NRXN1: variants seen among roughly 807,000 people sequenced by gnomAD.
NRXN1 encodes the protein neurexin 1.
A neutral mutation model predicts 150.9 loss-of-function variants in NRXN1; 39 were observed. The ratio of observed to expected loss-of-function variants is 0.26; its 90% confidence interval spans 0.20 to 0.34. NRXN1 has a LOEUF of 0.34. NRXN1 is among the 10% of genes least tolerant of loss of function. The probability of loss-of-function intolerance (pLI) is 1.00; values close to 1 mark genes in which losing one functional copy is unlikely to be tolerated. For synonymous variants in NRXN1, 924 were observed against 757.0 expected, an observed-to-expected ratio of 1.22 and a Z score of -3.62; for missense variants, 1,815 against 1,949.9, an observed-to-expected ratio of 0.93 and a Z score of 1.30.
chr2:50,163,186 A>ATATATATATATATATATATATATATAT (rs10671380), intron 18 of NRXN1, among the ~76,000 whole-genome samples: 5 of 143,568 alleles, frequency 3.5e-5, no homozygotes, highest in South Asian at 2.1e-4. Flanking sequence ...ATATATATAT[A>ATATATATATATATATATATATATATAT]AAACAATACT....
chr2:50,514,927 C>T (rs2092581842), intron 12 of NRXN1, among the ~76,000 whole-genome samples: 1 of 152,178 alleles, frequency 6.6e-6, no homozygotes, highest in South Asian at 2.1e-4. Context: ...TTTTTTACTG[C>T]TGTTTGTTTT....
chr2:50,691,956 G>A (rs1019304501), intron 5 of NRXN1, among the ~76,000 whole-genome samples: 2 of 152,012 alleles, frequency 1.3e-5, no homozygotes, highest in African/African-American at 4.8e-5. Flanking sequence ...CAACTCCATG[G>A]TAGTTATATT....
intron 9 of NRXN1, among the ~76,000 whole-genome samples, chr2:50,540,300 G>A (rs2093359706): frequency 6.6e-6 from 1 of 152,184 alleles, no homozygotes; most frequent in Non-Finnish European, 1.5e-5. Flanking sequence ...ATTTGTACAA[G>A]TGTCTAGAAG....
Position 50,285,372 on chromosome 2 carries a change from C to T in NRXN1, c.3365-48402G>A, listed in dbSNP as rs150216185. Among the ~76,000 whole-genome samples, 705 of 152,268 alleles carry T rather than the reference C, an allele frequency of 4.6e-3. 6 individuals are homozygous for T. Among genetic ancestry groups the T allele is most frequent in the African/African-American group, 0.017 (692 of 41,534 alleles). On this transcript the variant is annotated intron_variant, in intron 17 of 22. Transcript: ENST00000401669. ...GCAGCTCAGGGTGCAAGGTAGAAACCAAGCCTGGACAGGAGGCCATTCCAT... is the reference window on the plus strand; with the variant it reads ...GCAGCTCAGGGTGCAAGGTAGAAACTAAGCCTGGACAGGAGGCCATTCCAT...
chr2:50,215,589 C>T (rs187440896), intron 18 of NRXN1, among the ~76,000 whole-genome samples: 1 of 152,028 alleles, frequency 6.6e-6, no homozygotes, highest in East Asian at 1.9e-4. Flanking sequence ...TATCCACAGG[C>T]CTTAATTTTC....
intron 17 of NRXN1, among the ~76,000 whole-genome samples, chr2:50,343,648 G>A (rs902533902): frequency 6.6e-6 from 1 of 152,184 alleles, no homozygotes; most frequent in African/African-American, 2.4e-5. Flanking sequence ...AGCCATGAGC[G>A]CTCTCTGCGC....
intron 21 of NRXN1, among the ~76,000 whole-genome samples, chr2:49,965,900 T>C (rs1382022270): frequency 6.6e-6 from 1 of 152,202 alleles, no homozygotes; most frequent in Admixed American, 6.5e-5. Context: ...TTGTATAAAA[T>C]ATGTATTGAT....
At chr2:50,951,716 T>A (rs887844787) in intron 2 of NRXN1, among the ~76,000 whole-genome samples, 1 of 152,022 alleles carries the variant, frequency 6.6e-6, no homozygotes, top group African/African-American at 2.4e-5. Flanking sequence ...TAAAAGCAGC[T>A]GCCTACCTCA....
intron 17 of NRXN1, among the ~76,000 whole-genome samples, chr2:50,442,492 A>G (rs115337455): frequency 0.011 from 1,710 of 152,252 alleles, 34 homozygotes; most frequent in African/African-American, 0.039. Flanking sequence ...TTTTCTAAAA[A>G]GGGAGAAGAT....
chr2:50,552,530 G>C (rs1423753848), intron 9 of NRXN1, 57 bp downstream of exon 9: 8 of 1,324,024 alleles, frequency 6.0e-6, no homozygotes, highest in Non-Finnish European at 8.6e-6. Flanking sequence ...TTTAGGAATG[G>C]CATGGGTGGG....
chr2:50,880,216 A>G (rs938602193), intron 5 of NRXN1, among the ~76,000 whole-genome samples: 1 of 151,954 alleles, frequency 6.6e-6, no homozygotes, highest in African/African-American at 2.4e-5. Context: ...ATGCTTTGTA[A>G]AAGTATTTAA....
chr2:50,276,511 G>T (rs1339410549), intron 17 of NRXN1, among the ~76,000 whole-genome samples: 5 of 152,146 alleles, frequency 3.3e-5, no homozygotes, highest in Non-Finnish European at 7.4e-5. Flanking sequence ...TTAAGTCTGT[G>T]CTAGGATCAA....
In NRXN1 at chr2:50,164,474, C is replaced by T. The variant is rs1329139566; in HGVS notation, c.3546+72315G>A. ...ATTAAAAAGTTATCTAAAATGATAG[C>T]ATAATCCTTGATAGTCATTTTTAAT... On this transcript the variant is annotated intron_variant, in intron 18 of 22. Coordinates refer to ENST00000401669, the MANE Select transcript of NRXN1 (RefSeq NM_001330078.2). 2.0e-5 allele frequency among the ~76,000 whole-genome samples: 3 copies of T among 152,296 alleles called. No homozygotes were observed. In the East Asian group the frequency reaches 5.8e-4, roughly 29 times the overall value.
At chr2:50,498,646 G>C (rs2091778899) in intron 13 of NRXN1, among the ~76,000 whole-genome samples, 1 of 152,116 alleles carries the variant, frequency 6.6e-6, no homozygotes, top group South Asian at 2.1e-4. Context: ...TATCTCCAGA[G>C]TGATCATTTT....
chr2:50,896,010 C>G (rs1202130034), intron 5 of NRXN1, among the ~76,000 whole-genome samples: 2 of 152,130 alleles, frequency 1.3e-5, no homozygotes, highest in African/African-American at 4.8e-5. Flanking sequence ...TCGAAATTCT[C>G]TCAAGCCTCT....
At chr2:50,003,323 T>C (rs1356662592) in intron 21 of NRXN1, among the ~76,000 whole-genome samples, 2 of 152,140 alleles carry the variant, frequency 1.3e-5, no homozygotes, top group African/African-American at 4.8e-5. Flanking sequence ...AAAGGAAATT[T>C]GTACATTTGG....
intron 17 of NRXN1, among the ~76,000 whole-genome samples, chr2:50,337,477 T>G (rs2077271572): frequency 6.6e-6 from 1 of 152,196 alleles, no homozygotes; most frequent in South Asian, 2.1e-4. Flanking sequence ...AATTTTGCTG[T>G]GCCTCAATAT....
intron 5 of NRXN1, chr2:50,898,564 T>C (rs1207425626): frequency 2.1e-6 from 1 of 479,390 alleles, no homozygotes; most frequent in African/African-American, 2.0e-5. Flanking sequence ...AGGTAGAAAA[T>C]GAAACGGGAT....
At chr2:50,995,738 G>A (rs569276669) in intron 2 of NRXN1, among the ~76,000 whole-genome samples, 12 of 152,082 alleles carry the variant, frequency 7.9e-5, no homozygotes, top group African/African-American at 2.2e-4. Flanking sequence ...TTTCAGTCAT[G>A]GATAAATGCA....
Sources: allele counts gnomAD v4.1 joint callset (sites outside exome capture counted in the v4.1 genomes callset), GRCh38; gene constraint gnomAD v4.1.1; transcripts MANE v1.5; gene names NCBI Gene and HGNC (gene_info 2026-07-23, HGNC 2026-07-21).